The following TIAM1 variants were observed in gnomAD, a reference collection of about 807,000 sequenced individuals.
The protein encoded by TIAM1 is rho guanine nucleotide exchange factor TIAM1.
In TIAM1, 65 loss-of-function variants were observed where a neutral mutation model predicts 163.5. That is an observed-to-expected ratio of 0.40 (90% CI 0.33 to 0.49). The LOEUF (loss-of-function observed/expected upper bound fraction) is 0.49, where lower values mean the gene tolerates loss of function less well. Ranked by LOEUF, TIAM1 falls within the 20% of genes least tolerant of loss-of-function variation. The pLI is 0.77. For missense variants in TIAM1, 1,789 were observed against 2,044.7 expected (o/e 0.87, Z 2.41); for synonymous variants, 833 against 810.1 (o/e 1.03, Z -0.48).
intron 8 of TIAM1, among the ~76,000 whole-genome samples, chr21:31,220,582 T>G (rs181570673): frequency 1.3e-5 from 2 of 152,224 alleles, no homozygotes; most frequent in African/African-American, 4.8e-5. Context: ...CATACACCCA[T>G]AAATATTCTC....
At chr21:31,449,886 C>A (rs551726573) in intron 2 of TIAM1, among the ~76,000 whole-genome samples, 1 of 152,190 alleles carries the variant, frequency 6.6e-6, no homozygotes, top group South Asian at 2.1e-4. Flanking sequence ...AATGTTCACA[C>A]TGAGGCATAA....
At chr21:31,496,825 C>T (rs2147436026) in intron 1 of TIAM1, among the ~76,000 whole-genome samples, 1 of 152,174 alleles carries the variant, frequency 6.6e-6, no homozygotes, top group South Asian at 2.1e-4. Context: ...CTGTATCTTT[C>T]CTTTGTTTAG....
chr21:31,431,235 T>C (rs1012300185), intron 2 of TIAM1, among the ~76,000 whole-genome samples: 5 of 152,178 alleles, frequency 3.3e-5, no homozygotes, highest in African/African-American at 1.2e-4. Context: ...CCTCCCAAAC[T>C]ACTCTGAGAT....
chr21:31,285,867 A>T (rs192617427), intron 2 of TIAM1, among the ~76,000 whole-genome samples: 6 of 152,170 alleles, frequency 3.9e-5, no homozygotes, highest in African/African-American at 1.2e-4. Flanking sequence ...CTCAACAAAT[A>T]AATTAATTAA....
intron 2 of TIAM1, among the ~76,000 whole-genome samples, chr21:31,368,664 G>C (rs547110807): frequency 6.6e-6 from 1 of 152,110 alleles, no homozygotes; most frequent in African/African-American, 2.4e-5. Context: ...AGATTTGACC[G>C]TCCCCAGTAT....
chr21:31,375,236 A>G lies in TIAM1; in HGVS notation c.-368-35814T>C, dbSNP rs376283431. ...ACATCAGAAAGTCACTGTTTAATAG[A>G]AAAAAAAGTGATTTCCAATTACCAC... On this transcript the variant is annotated intron_variant, in intron 2 of 28. Coordinates refer to the TIAM1 transcript ENST00000286827. Among the ~76,000 whole-genome samples the G allele has an allele frequency of 1.4e-3, 209 of 152,192 alleles. 1 individual carries two copies. Among genetic ancestry groups the G allele is most frequent in the African/African-American group, 4.6e-3 (192 of 41,528 alleles).
chr21:31,388,840 A>G (rs1415276435), intron 2 of TIAM1, among the ~76,000 whole-genome samples: 1 of 152,256 alleles, frequency 6.6e-6, no homozygotes, highest in Non-Finnish European at 1.5e-5. Flanking sequence ...CAGCAAAAGC[A>G]TTACCTATCA....
At position 31,225,878 on chromosome 21, in the gene TIAM1, G is replaced by T. The variant is rs775885108; in HGVS notation, c.1657C>A (p.His553Asn). The change falls in exon 7 of 28, where the codon CAC (histidine) becomes AAC (asparagine). Residue 553 changes from histidine to asparagine, a missense_variant. Coordinates refer to ENST00000541036, the MANE Select transcript of TIAM1 (RefSeq NM_001353694.2). Reference sequence around the variant, plus strand: ...CGGAGCGTGTCTTCCTTGTGGTGGTGCCTCGCGACCGCAGTGGCGCAGGCA... The same window carrying T: ...CGGAGCGTGTCTTCCTTGTGGTGGTTCCTCGCGACCGCAGTGGCGCAGGCA... Reference protein sequence around the residue: ...HSACATAVARHHHKEDTLRLL... With the variant: ...HSACATAVARNHHKEDTLRLL... The T allele has an allele frequency of 6.2e-7, 1 of 1,614,182 alleles. No homozygotes were observed. The highest frequency in any genetic ancestry group is 8.5e-7 in the Non-Finnish European group (1 of 1,180,024).
At chr21:31,158,057 T>C (rs569310495) in intron 16 of TIAM1, among the ~76,000 whole-genome samples, 1 of 152,316 alleles carries the variant, frequency 6.6e-6, no homozygotes, top group African/African-American at 2.4e-5. Context: ...ATTCCATTTT[T>C]AAGAGTGTGA....
At chr21:31,450,838 C>G (rs999772129) in intron 2 of TIAM1, among the ~76,000 whole-genome samples, 1 of 152,132 alleles carries the variant, frequency 6.6e-6, no homozygotes, top group African/African-American at 2.4e-5. Context: ...ACCATGAGAA[C>G]AGTATGGAGG....
At chr21:31,177,335 G>A (rs1270477729) in intron 15 of TIAM1, among the ~76,000 whole-genome samples, 2 of 152,142 alleles carry the variant, frequency 1.3e-5, no homozygotes, top group Non-Finnish European at 2.9e-5. Context: ...GGCCAGGCAT[G>A]GTGGCTCATG....
Position 31,395,702 on chromosome 21 carries a change from G to A in TIAM1, c.-368-56280C>T, listed in dbSNP as rs578195754. Among the ~76,000 whole-genome samples, 5 of 152,238 alleles carry A rather than the reference G, an allele frequency of 3.3e-5. No individual in the cohort carries two copies. Among genetic ancestry groups the A allele is most frequent in the South Asian group, 2.1e-4 (1 of 4,820 alleles). ...GACTAAAACATCTATCTTGGGGAGGGGGCGCATGCGTTCCCCTGGCTGTCG... is the reference window on the plus strand; with the variant it reads ...GACTAAAACATCTATCTTGGGGAGGAGGCGCATGCGTTCCCCTGGCTGTCG... On this transcript the variant is annotated intron_variant, in intron 2 of 28. Transcript: ENST00000286827. The surrounding 1 kb of genome is among the most constrained non-coding windows in gnomAD (Gnocchi z 7.5).
intron 2 of TIAM1, among the ~76,000 whole-genome samples, chr21:31,427,311 C>A (rs1294166418): frequency 6.6e-6 from 1 of 151,958 alleles, no homozygotes; most frequent in East Asian, 1.9e-4. Flanking sequence ...ATGGTGAAAC[C>A]CTGTCTCTAC....
At position 31,397,147 on chromosome 21, in the gene TIAM1, A is replaced by G. The variant is rs372338643; in HGVS notation, c.-368-57725T>C. Among the ~76,000 whole-genome samples, 9 of 152,204 alleles carry G rather than the reference A, an allele frequency of 5.9e-5. No individual in the cohort carries two copies. The East Asian group carries it at 7.7e-4, about 13-fold the overall frequency. On this transcript the variant is annotated intron_variant, in intron 2 of 28. Coordinates refer to the TIAM1 transcript ENST00000286827. Reference sequence around the variant, plus strand: ...TTAGCAGCAGATCTTTAGATGTAACATCAAAGAGGTAATGAAAGGGAATTA... The same window carrying G: ...TTAGCAGCAGATCTTTAGATGTAACGTCAAAGAGGTAATGAAAGGGAATTA...
chr21:31,127,474 GGTGGT>G (rs2082249582), intron 25 of TIAM1, among the ~76,000 whole-genome samples: 1 of 150,326 alleles, frequency 6.7e-6, no homozygotes, highest in Non-Finnish European at 1.5e-5. Context: ...GCCGGAGTGC[GGTGGT>G]GTGATCTCAG....
Position 31,157,299 on chromosome 21 carries a change from G to A in TIAM1, c.2992-2873C>T, listed in dbSNP as rs575028424. ...GTGAGTGACGGTGGTCATAGCGGTA[G>A]TGTGTTAAGTCAAGCAATAAATGTT... On this transcript the variant is annotated intron_variant, in intron 16 of 27. Transcript: ENST00000541036. 5.9e-5 allele frequency among the ~76,000 whole-genome samples: 9 copies of A among 152,296 alleles called. No homozygotes were observed. In the South Asian group the frequency reaches 1.9e-3, roughly 32 times the overall value.
intron 2 of TIAM1, among the ~76,000 whole-genome samples, chr21:31,402,038 C>A (rs1173956364): frequency 6.6e-6 from 1 of 151,858 alleles, no homozygotes; most frequent in Non-Finnish European, 1.5e-5. Flanking sequence ...CATGGTGAAA[C>A]CCCGTCTCTA....
At chr21:31,420,304 T>C (rs1602235443) in intron 2 of TIAM1, among the ~76,000 whole-genome samples, 2 of 152,282 alleles carry the variant, frequency 1.3e-5, no homozygotes, top group East Asian at 3.9e-4. Flanking sequence ...CACATCAGCC[T>C]CCATGTCTGT....
At chr21:31,272,479 TA>T (rs36107845) in intron 3 of TIAM1, among the ~76,000 whole-genome samples, 4,467 of 132,918 alleles carry the variant, frequency 0.034, 57 homozygotes, top group Non-Finnish European at 0.033. Context: ...AAGCCTTTTG[TA>T]AAAAAAAAAA....
Sources: allele counts gnomAD v4.1 joint callset (sites outside exome capture counted in the v4.1 genomes callset), GRCh38; gene constraint gnomAD v4.1.1; non-coding constraint Gnocchi (gnomAD v3.1); transcripts MANE v1.5; gene names NCBI Gene and HGNC (gene_info 2026-07-23, HGNC 2026-07-21).